ZFYVE27: variants seen among roughly 807,000 people sequenced by gnomAD.
The protein encoded by ZFYVE27 is zinc finger FYVE-type containing 27.
Under a neutral mutation model 52.8 loss-of-function variants are expected in ZFYVE27, and 36 were observed. The observed-to-expected ratio is 0.68, with a 90% CI of 0.52 to 0.90. The LOEUF is 0.90. Among genes scored for constraint, ZFYVE27 ranks in the 40% least tolerant of loss-of-function variants. The probability of loss-of-function intolerance (pLI) is 0.00; values close to 1 mark genes in which losing one functional copy is unlikely to be tolerated. For missense variants in ZFYVE27, 450 were observed against 527.2 expected (o/e 0.85, Z 1.43); for synonymous variants, 223 against 215.6 (o/e 1.03, Z -0.30).
chr10:97,737,671 C>T lies in ZFYVE27; in HGVS notation c.-2+350C>T, dbSNP rs1250797075. Among the ~76,000 whole-genome samples the T allele has an allele frequency of 2.6e-5, 4 of 152,362 alleles. No individual in the cohort carries two copies. In the South Asian group the frequency reaches 6.2e-4, roughly 24 times the overall value. On this transcript the variant is annotated intron_variant, in intron 1 of 12. Transcript: ENST00000684270. Reference sequence around the variant, plus strand: ...TTGCCTGGGACTGGTTTATGTTGCTCTTCGCCGAGGTTCCGCCCCCTCGTT... The same window carrying T: ...TTGCCTGGGACTGGTTTATGTTGCTTTTCGCCGAGGTTCCGCCCCCTCGTT...
At chr10:97,739,187 C>T (rs1047185915) in intron 2 of ZFYVE27, among the ~76,000 whole-genome samples, 2 of 150,210 alleles carry the variant, frequency 1.3e-5, no homozygotes, top group Non-Finnish European at 3.0e-5. Context: ...GCCTCAGCCT[C>T]TTCAGCTCAA....
chr10:97,755,473 G>A (rs911610956), intron 10 of ZFYVE27, among the ~76,000 whole-genome samples: 4 of 152,306 alleles, frequency 2.6e-5, no homozygotes, highest in Admixed American at 1.3e-4. Context: ...CATTTCCGTC[G>A]TCATAGACAG....
chr10:97,746,442 C>G (rs970748419), intron 4 of ZFYVE27, among the ~76,000 whole-genome samples: 1 of 152,152 alleles, frequency 6.6e-6, no homozygotes. Flanking sequence ...ATGTTGGCTT[C>G]GTCTATCTCT....
chr10:97,737,514 T>C (rs1234702374), intron 1 of ZFYVE27, among the ~76,000 whole-genome samples, 193 bp downstream of exon 1: 1 of 152,242 alleles, frequency 6.6e-6, no homozygotes, highest in Non-Finnish European at 1.5e-5. Flanking sequence ...GGCGTCGATA[T>C]ACCTCGCCCC....
At chr10:97,739,313 C>A (rs2042963247) in intron 2 of ZFYVE27, among the ~76,000 whole-genome samples, 1 of 151,978 alleles carries the variant, frequency 6.6e-6, no homozygotes, top group Non-Finnish European at 1.5e-5. Flanking sequence ...AAGTGATCCT[C>A]CTGCCTCAGC....
chr10:97,738,868 A>T (rs925707716), intron 2 of ZFYVE27, 194 bp downstream of exon 2: 3 of 626,460 alleles, frequency 4.8e-6, no homozygotes, highest in Non-Finnish European at 8.6e-6. Context: ...GGAGAGGCAG[A>T]TACTGGGAAT....
intron 2 of ZFYVE27, 180 bp downstream of exon 2, chr10:97,738,854 C>T: frequency 3.0e-6 from 2 of 665,672 alleles, no homozygotes; most frequent in East Asian, 2.8e-5. Context: ...TCAGGCCCAG[C>T]CCAGGAGAGG....
intron 4 of ZFYVE27, among the ~76,000 whole-genome samples, chr10:97,747,327 C>T (rs1467719143): frequency 2.0e-5 from 3 of 152,168 alleles, no homozygotes; most frequent in African/African-American, 7.2e-5. Context: ...TTTTACTCTT[C>T]ATTAGTAGTA....
intron 4 of ZFYVE27, among the ~76,000 whole-genome samples, chr10:97,746,141 T>G (rs11189351): frequency 0.029 from 4,307 of 151,064 alleles, 196 homozygotes; most frequent in African/African-American, 0.096. Context: ...CTCTGCCTCC[T>G]GTGTTCAGGC....
chr10:97,738,874 G>A (rs1589981303), intron 2 of ZFYVE27, 200 bp downstream of exon 2: 2 of 615,322 alleles, frequency 3.3e-6, no homozygotes, highest in Non-Finnish European at 5.8e-6. Flanking sequence ...GCAGATACTG[G>A]GAATGATCCT....
At chr10:97,738,422 A>G in intron 1 of ZFYVE27, 55 bp from the exon 2 acceptor site, 1 of 1,592,958 alleles carries the variant, frequency 6.3e-7, no homozygotes, top group Non-Finnish European at 8.6e-7. Context: ...TGTAGGTAGA[A>G]TTGTGTTGAG....
chr10:97,754,624 T>C (rs2047880465), intron 10 of ZFYVE27: 2 of 1,279,282 alleles, frequency 1.6e-6, no homozygotes, highest in South Asian at 2.5e-5. Context: ...CCCTTTGTTT[T>C]ATTTATGCTG....
At chr10:97,754,272 T>C (rs1224165968) in intron 10 of ZFYVE27, among the ~76,000 whole-genome samples, 3 of 151,814 alleles carry the variant, frequency 2.0e-5, no homozygotes, top group South Asian at 4.5e-4. Context: ...GACAGGCTCT[T>C]TCTTTCTGCT....
At chr10:97,741,463 A>G (rs985159027) in intron 2 of ZFYVE27, among the ~76,000 whole-genome samples, 1 of 152,230 alleles carries the variant, frequency 6.6e-6, no homozygotes, top group African/African-American at 2.4e-5. Flanking sequence ...TGTCCTTTGC[A>G]GGGACATGGA....
intron 2 of ZFYVE27, 75 bp downstream of exon 2, chr10:97,738,749 T>C: frequency 6.5e-7 from 1 of 1,538,942 alleles, no homozygotes; most frequent in Non-Finnish European, 9.0e-7. Flanking sequence ...ACACTGACCA[T>C]TTAGGCAGTG....
chr10:97,751,023 G>A lies in ZFYVE27; in HGVS notation c.805-368G>A, dbSNP rs7897888. ...CTCCCAAAGTGCTGGGATTACAGGC[G>A]TGAGCCACTGCACCAGGCTGGTTAT... On this transcript the variant is annotated intron_variant, in intron 7 of 12. Transcript: ENST00000684270. Among the ~76,000 whole-genome samples, 848 of 152,284 alleles carry A rather than the reference G, an allele frequency of 5.6e-3. 8 individuals are homozygous for A. The highest frequency in any genetic ancestry group is 0.02 in the African/African-American group (822 of 41,544).
In ZFYVE27 at chr10:97,759,376, C is replaced by T; in HGVS notation, c.*76C>T. 6.6e-7 allele frequency: 1 copy of T among 1,519,078 alleles called. No homozygotes were observed. The highest frequency in any genetic ancestry group is 1.1e-5 in the South Asian group (1 of 88,776). 94.1% of individuals were successfully genotyped at this position (1,519,078 alleles called of 1,614,324 possible). ...ACCCCCCACTCTCCCCACCCCTGGCCCACTGTGGTGTGTGCTGGGCAAATG... is the reference window on the plus strand; with the variant it reads ...ACCCCCCACTCTCCCCACCCCTGGCTCACTGTGGTGTGTGCTGGGCAAATG... On this transcript the variant is annotated 3_prime_UTR_variant, in exon 13 of 13. Transcript: ENST00000684270.
At chr10:97,756,280 G>A (rs943542025) in intron 10 of ZFYVE27, among the ~76,000 whole-genome samples, 1 of 152,172 alleles carries the variant, frequency 6.6e-6, no homozygotes, top group African/African-American at 2.4e-5. Flanking sequence ...GACTGACAGG[G>A]TGGGCATTTA....
At chr10:97,759,093 C>T (rs902917588) in intron 12 of ZFYVE27, 143 bp from the exon 13 acceptor site, 13 of 823,788 alleles carry the variant, frequency 1.6e-5, no homozygotes, top group African/African-American at 5.1e-5. Flanking sequence ...AGAATCTCTG[C>T]GGGCAGGCTA....
Sources: allele counts gnomAD v4.1 joint callset (sites outside exome capture counted in the v4.1 genomes callset), GRCh38; gene constraint gnomAD v4.1.1; transcripts MANE v1.5; gene names NCBI Gene and HGNC (gene_info 2026-07-23, HGNC 2026-07-21).